Variants in PPCDC observed in about 807,000 individuals in gnomAD.
The protein encoded by PPCDC is phosphopantothenoylcysteine decarboxylase.
PPCDC carries 20 observed loss-of-function variants against 20.7 expected under a neutral mutation model. The ratio of observed to expected loss-of-function variants is 0.97; its 90% CI spans 0.68 to 1.41. The LOEUF (loss-of-function observed/expected upper bound fraction) is 1.41, where lower values mean the gene tolerates loss of function less well. PPCDC is among the 40% of genes most tolerant of loss of function. The pLI is 0.00. For missense variants in PPCDC, 246 were observed against 263.8 expected, an observed-to-expected ratio of 0.93 and a Z score of 0.47; for synonymous variants, 88 against 100.3, an observed-to-expected ratio of 0.88 and a Z score of 0.73.
chr15:75,024,935 T>C (rs1313300007), intron 1 of PPCDC, among the ~76,000 whole-genome samples: 2 of 151,714 alleles, frequency 1.3e-5, no homozygotes, highest in East Asian at 3.9e-4. Context: ...GGTACTATTA[T>C]TATATTTTGA....
At chr15:75,032,046 G>T (rs1358527930) in intron 2 of PPCDC, among the ~76,000 whole-genome samples, 1 of 152,226 alleles carries the variant, frequency 6.6e-6, no homozygotes, top group African/African-American at 2.4e-5. Context: ...GATAAGAGAA[G>T]TTCAGAGAAA....
At position 75,044,603 on chromosome 15, in the gene PPCDC, G is replaced by A. The variant is rs144505233; in HGVS notation, c.360+89G>A. On this transcript the variant is annotated intron_variant, in intron 4 of 5. Transcript: ENST00000342932. ...ACATCCTTGTACAAGGAGACCTGCT[G>A]CTGTGGGGCCCCGGTCTGCCCAGGG... The A allele has an allele frequency of 9.5e-5, 145 of 1,521,290 alleles. No individual in the cohort carries two copies. In the African/African-American group the frequency reaches 1.8e-3, roughly 19 times the overall value. 94.2% of individuals were successfully genotyped at this position (1,521,290 alleles called of 1,614,324 possible). A position where few individuals can be genotyped will look rare whatever the true frequency, so the allele number is the denominator to read the frequency against.
chr15:75,032,725 C>CA (rs386383496), intron 2 of PPCDC, among the ~76,000 whole-genome samples: 5 of 18,400 alleles, frequency 2.7e-4, no homozygotes, highest in Admixed American at 2.0e-3. Flanking sequence ...GCAAACTGGA[C>CA]CCCCCCCCCC....
At position 75,025,245 on chromosome 15, in the gene PPCDC, G is replaced by C. The variant is rs138333023; in HGVS notation, c.-73+1619G>C. ...CCGGTAGTGAGGGGCTTTGATGTTA[G>C]GCTAAAGGATTCAGGCTCATAATGG... On this transcript the variant is annotated intron_variant, in intron 1 of 5. Coordinates refer to ENST00000342932, the MANE Select transcript of PPCDC (RefSeq NM_021823.5). Among the ~76,000 whole-genome samples, 3 of 152,292 alleles carry C rather than the reference G, an allele frequency of 2.0e-5. 1 individual carries two copies. Among genetic ancestry groups the C allele is most frequent in the East Asian group, 3.9e-4 (2 of 5,184 alleles).
chr15:75,043,608 C>T, intron 3 of PPCDC, 72 bp downstream of exon 3: 1 of 1,332,772 alleles, frequency 7.5e-7, no homozygotes, highest in Non-Finnish European at 1.0e-6. Context: ...CTCCCTACGG[C>T]CTATGGTCTG....
chr15:75,045,329 C>T (rs2066217426), intron 4 of PPCDC, among the ~76,000 whole-genome samples: 1 of 152,208 alleles, frequency 6.6e-6, no homozygotes, highest in Non-Finnish European at 1.5e-5. Context: ...GCTTGATCAC[C>T]CATGCCGTTG....
At chr15:75,035,996 T>C (rs1389746236) in intron 2 of PPCDC, among the ~76,000 whole-genome samples, 1 of 151,930 alleles carries the variant, frequency 6.6e-6, no homozygotes, top group African/African-American at 2.4e-5. Context: ...AAAAAAACTT[T>C]TTTCTAAGTG....
rs975673242 is a variant in PPCDC at position 75,049,183 on chromosome 15, T to C, written c.563T>C (p.Val188Ala). ...GCCATGGCTGAAGTGGGGACCATCG[T>C]GGACAAAGTGAAAGAAGTCCTCTTC... is the stretch of plus-strand genomic sequence containing the variant. ...LGAMAEVGTI[V>A]DKVKEVLFQH... Residue 188 changes from valine (V) to alanine (A), a missense_variant, in exon 6 of 6, where the codon GTG becomes GCG. Transcript: ENST00000342932. 1 of 1,614,208 alleles carries C rather than the reference T, an allele frequency of 6.2e-7. No homozygotes were observed. The highest frequency in any genetic ancestry group is 1.7e-4 in the Middle Eastern group (1 of 6,060).
rs761140159 is a variant in PPCDC, at chr15:75,048,705, G to A, written c.513G>A (p.Leu171=). Residue 171 remains leucine, a synonymous_variant, in exon 5 of 6, where the codon CTG becomes CTA. Coordinates refer to ENST00000342932, the MANE Select transcript of PPCDC (RefSeq NM_021823.5). Reference sequence around the variant, plus strand: ...AGATCCCCTGTGTGGCCAAGAAGCTGGTGTGCGGAGATGAAGGTGGGTGTC... The same window carrying A: ...AGATCCCCTGTGTGGCCAAGAAGCTAGTGTGCGGAGATGAAGGTGGGTGTC... The part of the protein sequence containing the change: ...YVEIPCVAKK[L]VCGDEGLGAM... 4 of 1,614,138 alleles carry A rather than the reference G, an allele frequency of 2.5e-6. No individual in the cohort carries two copies. In the Admixed American group the frequency reaches 6.7e-5, roughly 27 times the overall value.
intron 2 of PPCDC, among the ~76,000 whole-genome samples, chr15:75,039,735 G>A (rs143805125): frequency 3.0e-4 from 46 of 151,766 alleles, no homozygotes; most frequent in African/African-American, 1.1e-3. Flanking sequence ...CGTCTTAACT[G>A]CTGTTGGTTC....
intron 2 of PPCDC, among the ~76,000 whole-genome samples, chr15:75,035,610 G>A (rs1158266037): frequency 2.6e-5 from 4 of 152,156 alleles, no homozygotes; most frequent in African/African-American, 9.7e-5. Flanking sequence ...ATGTAATAGG[G>A]TCTGTCCAAG....
chr15:75,047,431 G>A (rs777501166), intron 4 of PPCDC, among the ~76,000 whole-genome samples: 3 of 152,160 alleles, frequency 2.0e-5, no homozygotes, highest in Non-Finnish European at 2.9e-5. Flanking sequence ...CTGTCCTGTC[G>A]GGGCATTGTT....
chr15:75,046,308 A>T (rs1275965449), intron 4 of PPCDC, among the ~76,000 whole-genome samples: 1 of 152,220 alleles, frequency 6.6e-6, no homozygotes, highest in Non-Finnish European at 1.5e-5. Context: ...GCTCTCATCA[A>T]ATTGGGTCAG....
In PPCDC at chr15:75,028,256, C is replaced by T; in HGVS notation, c.-63C>T. 1 of 1,578,264 alleles carries T rather than the reference C, an allele frequency of 6.3e-7. No homozygotes were observed. The highest frequency in any genetic ancestry group is 2.0e-5 in the Admixed American group (1 of 49,242). On this transcript the variant is annotated 5_prime_UTR_variant, in exon 2 of 6. Transcript: ENST00000342932. Reference sequence around the variant, plus strand: ...CTTGTTCTCCTTTTAGATCCTAAATCCCGACAGCTTTATAGAGCCCAGGCC... The same window carrying T: ...CTTGTTCTCCTTTTAGATCCTAAATTCCGACAGCTTTATAGAGCCCAGGCC...
In PPCDC at chr15:75,048,602, C is replaced by G; in HGVS notation, c.410C>G (p.Pro137Arg). 6.2e-7 allele frequency: 1 copy of G among 1,614,208 alleles called. No homozygotes were observed. Among genetic ancestry groups the G allele is most frequent in the South Asian group, 1.1e-5 (1 of 91,092 alleles). ...CGCAGCAAGCCCCTGCTCTTCTGCC[C>G]GGCCATGAACACCGCCATGTGGGAG... is the stretch of plus-strand genomic sequence containing the variant. ...WDRSKPLLFCPAMNTAMWEHP... is the reference protein window; with the variant it reads ...WDRSKPLLFCRAMNTAMWEHP... Residue 137 changes from proline to arginine, a missense_variant, in exon 5 of 6, where the codon CCG (proline) becomes CGG (arginine). This residue lies in a region of PPCDC where 225 missense variants were observed against 222.6 expected (regional missense o/e 1.01). Transcript: ENST00000342932.
intron 2 of PPCDC, among the ~76,000 whole-genome samples, chr15:75,031,257 G>T (rs1042541732): frequency 6.6e-6 from 1 of 152,120 alleles, no homozygotes; most frequent in Admixed American, 6.5e-5. Flanking sequence ...TCAGGATGCC[G>T]GGGGTTTTGT....
rs74023919 is a variant in PPCDC at position 75,047,265 on chromosome 15, G to A, written c.361-1288G>A. On this transcript the variant is annotated intron_variant, in intron 4 of 5. Transcript: ENST00000342932. Reference sequence around the variant, plus strand: ...GCAGCAGGTGGCATGGAGCCAAGAGGAAGTGTGACTGAAACTGTCCACTCA... The same window carrying A: ...GCAGCAGGTGGCATGGAGCCAAGAGAAAGTGTGACTGAAACTGTCCACTCA... Among the ~76,000 whole-genome samples, 362 of 152,312 alleles carry A rather than the reference G, an allele frequency of 2.4e-3. 3 individuals are homozygous for A. The highest frequency in any genetic ancestry group is 8.3e-3 in the African/African-American group (347 of 41,570).
rs1567061094 is a variant in PPCDC at position 75,043,430 on chromosome 15, C to G, written c.136-11C>G. 1 of 1,605,850 alleles carries G rather than the reference C, an allele frequency of 6.2e-7. No homozygotes were observed. On this transcript the variant is annotated splice_polypyrimidine_tract_variant and intron_variant, in intron 2 of 5. Coordinates refer to ENST00000342932, the MANE Select transcript of PPCDC (RefSeq NM_021823.5). Reference sequence around the variant, plus strand: ...CCTCCCTCCCCGCCACCCCCTTCTTCTTGGTGACAGCTGGAAGTAGCAGTG... The same window carrying G: ...CCTCCCTCCCCGCCACCCCCTTCTTGTTGGTGACAGCTGGAAGTAGCAGTG...
chr15:75,028,537 A>G (rs1250862984), intron 2 of PPCDC, 84 bp downstream of exon 2: 3 of 1,553,376 alleles, frequency 1.9e-6, no homozygotes, highest in African/African-American at 2.8e-5. Context: ...TCTGCAGTAC[A>G]TGCAATTTTC....
Sources: allele counts gnomAD v4.1 joint callset (sites outside exome capture counted in the v4.1 genomes callset), GRCh38; gene constraint gnomAD v4.1.1; regional missense constraint gnomAD v4.1.1; transcripts MANE v1.5; gene names NCBI Gene and HGNC (gene_info 2026-07-23, HGNC 2026-07-21).